Variants in KHDRBS2 observed in about 807,000 individuals in gnomAD.
The protein encoded by KHDRBS2 is KH domain-containing, RNA-binding, signal transduction-associated protein 2.
KHDRBS2 carries 26 observed loss-of-function variants against 44.3 expected under a neutral mutation model. The observed-to-expected ratio is 0.59, with a 90% CI of 0.43 to 0.81. KHDRBS2 has a LOEUF of 0.81. Ranked by LOEUF, KHDRBS2 falls within the 40% of genes least tolerant of loss-of-function variation. KHDRBS2 has a pLI of 0.00. For missense variants in KHDRBS2, 476 were observed against 433.1 expected (o/e 1.10, Z -0.88); for synonymous variants, 194 against 151.1 (o/e 1.28, Z -2.08).
intron 6 of KHDRBS2, among the ~76,000 whole-genome samples, chr6:61,892,279 A>C (rs1413769088): frequency 6.6e-6 from 1 of 152,234 alleles, no homozygotes; most frequent in Non-Finnish European, 1.5e-5. Context: ...AGAACATTCC[A>C]TGCTCATGGG....
chr6:62,120,330 G>A (rs929422834), intron 2 of KHDRBS2, among the ~76,000 whole-genome samples: 1 of 152,112 alleles, frequency 6.6e-6, no homozygotes, highest in African/African-American at 2.4e-5. Context: ...GAAAGGTCTA[G>A]AACACATACC....
chr6:61,812,483 T>C (rs1301854272), intron 6 of KHDRBS2, among the ~76,000 whole-genome samples: 1 of 152,070 alleles, frequency 6.6e-6, no homozygotes, highest in African/African-American at 2.4e-5. Context: ...AACTAAAACT[T>C]ATAAATATTA....
chr6:61,715,683 C>T (rs1460352042), intron 7 of KHDRBS2, among the ~76,000 whole-genome samples: 2 of 151,908 alleles, frequency 1.3e-5, no homozygotes, highest in African/African-American at 4.8e-5. Context: ...TTATCACATG[C>T]TATGTGTTTA....
In KHDRBS2 at chr6:61,983,813, G is replaced by A. The variant is rs1242794778; in HGVS notation, c.337-5601C>T. On this transcript the variant is annotated intron_variant, in intron 3 of 8. Transcript: ENST00000281156. Reference sequence around the variant, plus strand: ...TCATTGATTAAAAATGAGGTGTACTGTAAAGACAAGGTTTATGTTTCAATG... The same window carrying A: ...TCATTGATTAAAAATGAGGTGTACTATAAAGACAAGGTTTATGTTTCAATG... 3.3e-5 allele frequency among the ~76,000 whole-genome samples: 5 copies of A among 152,124 alleles called. No homozygotes were observed. In the East Asian group the frequency reaches 7.7e-4, roughly 23 times the overall value.
At chr6:61,867,986 T>G (rs1371042995) in intron 6 of KHDRBS2, among the ~76,000 whole-genome samples, 1 of 152,112 alleles carries the variant, frequency 6.6e-6, no homozygotes, top group Admixed American at 6.5e-5. Flanking sequence ...AGAGCAGCTG[T>G]GCTATGTTGG....
At chr6:61,679,425 A>T (rs1245368043), downstream of KHDRBS2, among the ~76,000 whole-genome samples, 1 of 151,936 alleles carries the variant, frequency 6.6e-6, no homozygotes, top group Non-Finnish European at 1.5e-5. Flanking sequence ...TTTTTTAACT[A>T]TCAGGAACTT....
At chr6:61,641,499 C>T in the KHDRBS2 span, among the ~76,000 whole-genome samples, 4 of 152,168 alleles carry the variant, frequency 2.6e-5, no homozygotes, top group Admixed American at 1.3e-4. Context: ...TCTTTTTAAA[C>T]ATTTCCACTC....
chr6:62,101,333 G>C (rs1368695136), intron 2 of KHDRBS2, among the ~76,000 whole-genome samples: 1 of 152,046 alleles, frequency 6.6e-6, no homozygotes, highest in Non-Finnish European at 1.5e-5. Context: ...AGTTGACTGA[G>C]CTTAAAACAG....
intron 3 of KHDRBS2, among the ~76,000 whole-genome samples, chr6:62,029,806 G>T (rs1784019092): frequency 6.6e-6 from 1 of 151,894 alleles, no homozygotes; most frequent in Non-Finnish European, 1.5e-5. Context: ...ACATTCAATG[G>T]ATGGATTTTA....
chr6:62,006,861 CAT>C (rs1779329606), intron 3 of KHDRBS2, among the ~76,000 whole-genome samples: 1 of 151,660 alleles, frequency 6.6e-6, no homozygotes, highest in Non-Finnish European at 1.5e-5. Flanking sequence ...TATCAATAAA[CAT>C]AAATAAAATA....
chr6:61,708,847 A>T (rs891281895), intron 7 of KHDRBS2, among the ~76,000 whole-genome samples: 11 of 151,834 alleles, frequency 7.2e-5, no homozygotes, highest in Admixed American at 1.3e-4. Context: ...CCATAGTCTC[A>T]TGATGGAGAA....
At chr6:62,205,288 G>T (rs1196042595) in intron 1 of KHDRBS2, among the ~76,000 whole-genome samples, 1 of 152,048 alleles carries the variant, frequency 6.6e-6, no homozygotes, top group Admixed American at 6.6e-5. Context: ...TAAAAATGTG[G>T]CAGGCTAACT....
intron 2 of KHDRBS2, among the ~76,000 whole-genome samples, chr6:62,110,447 G>C (rs1193283017): frequency 6.6e-6 from 1 of 151,938 alleles, no homozygotes; most frequent in Non-Finnish European, 1.5e-5. Context: ...ACCTAAATTT[G>C]TTCATCACAT....
chr6:61,606,379 A>G, the KHDRBS2 span, among the ~76,000 whole-genome samples: 1 of 152,176 alleles, frequency 6.6e-6, no homozygotes, highest in Non-Finnish European at 1.5e-5. Context: ...ACAGTGCCAA[A>G]AATGAACGGG....
chr6:62,035,434 G>A (rs1785106654), intron 3 of KHDRBS2, among the ~76,000 whole-genome samples: 1 of 151,948 alleles, frequency 6.6e-6, no homozygotes. Flanking sequence ...TGTGGGGTCT[G>A]AAAATGAAAA....
At chr6:62,213,774 T>C (rs1168610965) in intron 1 of KHDRBS2, among the ~76,000 whole-genome samples, 3 of 145,048 alleles carry the variant, frequency 2.1e-5, no homozygotes, top group Non-Finnish European at 4.5e-5. Context: ...TTCCGGAGGC[T>C]GAGGCAGGAG....
the KHDRBS2 span, among the ~76,000 whole-genome samples, chr6:61,673,572 A>G: frequency 6.3e-5 from 9 of 142,592 alleles, no homozygotes; most frequent in Non-Finnish European, 1.1e-4. Flanking sequence ...CAACTTCAGC[A>G]AAGTCTCAGG....
the KHDRBS2 span, among the ~76,000 whole-genome samples, chr6:61,670,220 A>AT: frequency 6.6e-6 from 1 of 151,356 alleles, no homozygotes; most frequent in African/African-American, 2.4e-5. Flanking sequence ...CTAAGTTCCC[A>AT]TTAATTCTGT....
At chr6:61,659,540 C>T in the KHDRBS2 span, among the ~76,000 whole-genome samples, 2 of 151,812 alleles carry the variant, frequency 1.3e-5, no homozygotes, top group Non-Finnish European at 2.9e-5. Flanking sequence ...CTTGCATAAA[C>T]TAGTCACTCA....
Sources: gnomAD v4.1 joint callset for allele counts (sites outside exome capture counted in the v4.1 genomes callset) on GRCh38, gnomAD v4.1.1 for gene constraint, MANE v1.5 for transcripts, NCBI Gene and HGNC (gene_info 2026-07-23, HGNC 2026-07-21) for gene names.